LTBP1: variants seen among roughly 807,000 people sequenced by gnomAD.
The protein encoded by LTBP1 is latent-transforming growth factor beta-binding protein 1.
In LTBP1, 129 loss-of-function variants were observed where a neutral mutation model predicts 207.6. The observed-to-expected ratio is 0.62, with a 90% CI of 0.54 to 0.72. The LOEUF is 0.72. Among genes scored for constraint, LTBP1 ranks in the 30% least tolerant of loss-of-function variants. The pLI, the probability that LTBP1 is intolerant of heterozygous loss-of-function variation, is 0.00. For missense variants in LTBP1, 2,281 were observed against 2,217.2 expected (o/e 1.03, Z -0.58); for synonymous variants, 963 against 833.7 (o/e 1.16, Z -2.67).
intron 18 of LTBP1, among the ~76,000 whole-genome samples, chr2:33,276,444 C>A (rs546998555): frequency 6.6e-6 from 1 of 152,332 alleles, no homozygotes; most frequent in African/African-American, 2.4e-5. Context: ...CAGCAATGAG[C>A]TTTCTCTCAT....
chr2:32,980,229 C>T (rs1208056676), intron 2 of LTBP1, among the ~76,000 whole-genome samples: 1 of 152,014 alleles, frequency 6.6e-6, no homozygotes, highest in Non-Finnish European at 1.5e-5. Context: ...GCCTTCTCTT[C>T]TTTCTTTTCT....
intron 3 of LTBP1, among the ~76,000 whole-genome samples, chr2:33,031,478 C>T (rs2075687562): frequency 6.6e-6 from 1 of 152,170 alleles, no homozygotes; most frequent in Non-Finnish European, 1.5e-5. Context: ...TTGGAGGGAT[C>T]AGGCTAATGT....
chr2:33,190,386 A>G (rs929393761), intron 7 of LTBP1, among the ~76,000 whole-genome samples: 11 of 152,196 alleles, frequency 7.2e-5, no homozygotes, highest in African/African-American at 2.7e-4. Context: ...TAATAGAACT[A>G]ATTGTCACTG....
intron 4 of LTBP1, among the ~76,000 whole-genome samples, chr2:33,122,976 A>G (rs1384739173): frequency 6.6e-6 from 1 of 152,206 alleles, no homozygotes; most frequent in African/African-American, 2.4e-5. Flanking sequence ...TAACAGCTGC[A>G]TGTCCTGATT....
rs370188892 is a variant in LTBP1 at position 33,348,126 on chromosome 2, G to A, written c.4000+616G>A. Among the ~76,000 whole-genome samples, 230 of 152,290 alleles carry A rather than the reference G, an allele frequency of 1.5e-3. 1 individual carries two copies. Among genetic ancestry groups the A allele is most frequent in the African/African-American group, 5.4e-3 (223 of 41,562 alleles). On this transcript the variant is annotated intron_variant, in intron 26 of 33. Coordinates refer to ENST00000404816, the MANE Select transcript of LTBP1 (RefSeq NM_206943.4). ...AATCACCCTTTTAAGTTTGTGCCATGTAGCTATAGCTTGGTTGTATTTTAG... is the reference window on the plus strand; with the variant it reads ...AATCACCCTTTTAAGTTTGTGCCATATAGCTATAGCTTGGTTGTATTTTAG...
At chr2:33,302,187 G>A (rs1002567219) in intron 22 of LTBP1, among the ~76,000 whole-genome samples, 3 of 152,168 alleles carry the variant, frequency 2.0e-5, no homozygotes, top group Non-Finnish European at 4.4e-5. Flanking sequence ...CTTATGGAGC[G>A]GGGAATATCT....
At chr2:33,186,129 A>G (rs529276655) in intron 5 of LTBP1, among the ~76,000 whole-genome samples, 3 of 152,354 alleles carry the variant, frequency 2.0e-5, no homozygotes, top group East Asian at 1.9e-4. Context: ...GCAAATTCCT[A>G]TAAAGTATGA....
intron 24 of LTBP1, among the ~76,000 whole-genome samples, chr2:33,335,412 C>A (rs2094543554): frequency 6.6e-6 from 1 of 152,052 alleles, no homozygotes; most frequent in African/African-American, 2.4e-5. Context: ...CTGTTTCTGG[C>A]CTATTCCCAT....
At chr2:33,215,714 T>TC (rs1479894970) in intron 7 of LTBP1, among the ~76,000 whole-genome samples, 8 of 136,392 alleles carry the variant, frequency 5.9e-5, no homozygotes, top group Non-Finnish European at 1.2e-4. Flanking sequence ...TGGTTTTCTT[T>TC]TGTTTTTTGT....
At position 33,387,121 on chromosome 2, in the gene LTBP1, T is replaced by A. The variant is rs550832817; in HGVS notation, c.4712-2063T>A. On this transcript the variant is annotated intron_variant, in intron 31 of 33. Transcript: ENST00000404816. ...CACCATGCCCGGCCGACAGTTTCTT[T>A]AAAAATAAGTACCAGAATTAATTCA... Among the ~76,000 whole-genome samples, 14 of 152,302 alleles carry A rather than the reference T, an allele frequency of 9.2e-5. No homozygotes were observed. The South Asian group carries it at 2.9e-3, about 32-fold the overall frequency.
chr2:33,094,565 A>G (rs1237114761), intron 3 of LTBP1, among the ~76,000 whole-genome samples: 1 of 152,210 alleles, frequency 6.6e-6, no homozygotes, highest in East Asian at 1.9e-4. Flanking sequence ...GCCTCCTTCA[A>G]GAATGTAGAG....
Position 33,346,915 on chromosome 2 carries a change from G to C in LTBP1, c.3857-452G>C, listed in dbSNP as rs2094709705. Among the ~76,000 whole-genome samples, 3 of 152,148 alleles carry C rather than the reference G, an allele frequency of 2.0e-5. No homozygotes were observed. The South Asian group carries it at 6.2e-4, about 32-fold the overall frequency. On this transcript the variant is annotated intron_variant, in intron 25 of 33. Coordinates refer to ENST00000404816, the MANE Select transcript of LTBP1 (RefSeq NM_206943.4). ...GCGGATCACGAGGTCAGGAGATCGA[G>C]ACCATCCTGCCTAACACGGTGGAAC...
At chr2:33,103,254 C>T (rs1243841492) in intron 3 of LTBP1, among the ~76,000 whole-genome samples, 1 of 149,996 alleles carries the variant, frequency 6.7e-6, no homozygotes, top group Admixed American at 6.6e-5. Context: ...TATGCAGTCT[C>T]TATGTTGTAT....
At chr2:33,382,111 T>C (rs76991436) in intron 31 of LTBP1, among the ~76,000 whole-genome samples, 1 of 103,622 alleles carries the variant, frequency 9.7e-6, no homozygotes, top group African/African-American at 4.8e-5. Flanking sequence ...TTTTTTTTTT[T>C]TGAGACAGAG....
At chr2:33,272,817 T>TC (rs2093349739) in intron 15 of LTBP1, among the ~76,000 whole-genome samples, 1 of 152,088 alleles carries the variant, frequency 6.6e-6, no homozygotes, top group Non-Finnish European at 1.5e-5. Context: ...AAACAGAAAA[T>TC]CTTAAAGGAG....
chr2:33,329,469 A>G (rs1452356790), intron 24 of LTBP1, among the ~76,000 whole-genome samples: 1 of 152,034 alleles, frequency 6.6e-6, no homozygotes, highest in Non-Finnish European at 1.5e-5. Flanking sequence ...ATCTTTGCAA[A>G]CCCTAAAGTC....
chr2:33,112,708 A>G (rs1023990378), intron 4 of LTBP1, among the ~76,000 whole-genome samples: 1 of 152,194 alleles, frequency 6.6e-6, no homozygotes, highest in Non-Finnish European at 1.5e-5. Context: ...GAAATGGCAA[A>G]ATGGAGTAAG....
At chr2:33,234,350 A>G (rs980097880) in intron 9 of LTBP1, among the ~76,000 whole-genome samples, 1 of 152,166 alleles carries the variant, frequency 6.6e-6, no homozygotes. Context: ...TGATGTGGGC[A>G]TAAAGATGAA....
intron 29 of LTBP1, 104 bp downstream of exon 29, chr2:33,363,622 G>A: frequency 7.7e-7 from 1 of 1,291,124 alleles, no homozygotes; most frequent in Admixed American, 2.4e-5. Context: ...TAAATCATGT[G>A]TTGAAAAGAT....
Sources: gnomAD v4.1 joint callset for allele counts (sites outside exome capture counted in the v4.1 genomes callset) on GRCh38, gnomAD v4.1.1 for gene constraint, MANE v1.5 for transcripts, NCBI Gene and HGNC (gene_info 2026-07-23, HGNC 2026-07-21) for gene names.